TTC6: variants seen among roughly 807,000 people sequenced by gnomAD.
TTC6 encodes tetratricopeptide repeat domain 6.
A neutral mutation model predicts 210.4 loss-of-function variants in TTC6; 172 were observed. That is an observed-to-expected ratio of 0.82 (90% CI 0.72 to 0.93). The LOEUF is 0.93. TTC6 is among the 40% of genes least tolerant of loss of function. TTC6 has a pLI of 0.00. For synonymous variants in TTC6, 804 were observed against 819.6 expected, an observed-to-expected ratio of 0.98 and a Z score of 0.32; for missense variants, 2,414 against 2,318.1, an observed-to-expected ratio of 1.04 and a Z score of -0.85.
chr14:37,772,158 C>A (rs1012010189), intron 14 of TTC6, among the ~76,000 whole-genome samples: 2 of 152,196 alleles, frequency 1.3e-5, no homozygotes, highest in Admixed American at 1.3e-4. Flanking sequence ...GCAGTCTGCC[C>A]GTTCTCAGAT....
chr14:37,635,291 C>T (rs895427763), intron 1 of TTC6, among the ~76,000 whole-genome samples: 4 of 152,076 alleles, frequency 2.6e-5, no homozygotes, highest in Admixed American at 1.3e-4. Context: ...CATGTACTAT[C>T]TACAGAAATG....
intron 29 of TTC6, among the ~76,000 whole-genome samples, chr14:37,828,831 T>C (rs73260747): frequency 5.0e-4 from 76 of 152,032 alleles, no homozygotes; most frequent in African/African-American, 1.8e-3. Context: ...ACATTCATAC[T>C]TTTTTTTCAC....
chr14:37,798,551 T>C (rs1201664978), intron 20 of TTC6, among the ~76,000 whole-genome samples: 3 of 152,006 alleles, frequency 2.0e-5, no homozygotes, highest in African/African-American at 7.2e-5. Context: ...CATCTATAAA[T>C]AATAATAGTT....
At chr14:37,621,088 C>G (rs1225335766), upstream of TTC6, among the ~76,000 whole-genome samples, 1 of 152,170 alleles carries the variant, frequency 6.6e-6, no homozygotes, top group Non-Finnish European at 1.5e-5. Context: ...CATTCCCTTC[C>G]TACACACTGC....
intron 2 of TTC6, among the ~76,000 whole-genome samples, chr14:37,607,891 G>A (rs2095627994): frequency 6.6e-6 from 1 of 152,174 alleles, no homozygotes; most frequent in Non-Finnish European, 1.5e-5. Context: ...TATCTAGCAG[G>A]ATGCCCTCAG....
intron 1 of TTC6, among the ~76,000 whole-genome samples, chr14:37,631,387 A>G (rs1874476733): frequency 1.3e-5 from 2 of 152,118 alleles, no homozygotes. Flanking sequence ...GTTTGGCTGG[A>G]TATGAAATTC....
chr14:37,792,542 T>G, intron 17 of TTC6, 128 bp downstream of exon 19: 2 of 680,458 alleles, frequency 2.9e-6, no homozygotes, highest in Non-Finnish European at 4.3e-6. Context: ...ATAAACAATG[T>G]GTTAAGCTGG....
Position 37,782,622 on chromosome 14 carries a change from T to C in TTC6, c.3267-4846T>C, listed in dbSNP as rs531887606. Among the ~76,000 whole-genome samples the C allele has an allele frequency of 1.8e-4, 27 of 152,206 alleles. No individual in the cohort carries two copies. The East Asian group carries it at 4.4e-3, about 25-fold the overall frequency. ...TTCCTAATTGAATACCCTTTATTTC[T>C]TTCTCCTGCCTAATTGCCCTGGCCA... On this transcript the variant is annotated intron_variant, in intron 14 of 30. Transcript: ENST00000553443.
At chr14:37,824,073 T>A in intron 27 of TTC6, 116 bp downstream of exon 29, 1 of 998,798 alleles carries the variant, frequency 1.0e-6, no homozygotes, top group Non-Finnish European at 1.5e-6. Context: ...ATTTACCTTT[T>A]CTTTACTTTT....
intron 10 of TTC6, among the ~76,000 whole-genome samples, chr14:37,746,464 T>C (rs2095936318): frequency 6.6e-6 from 1 of 152,180 alleles, no homozygotes; most frequent in African/African-American, 2.4e-5. Flanking sequence ...GTTCTAGAAC[T>C]CCACCCTAGG....
chr14:37,798,677 C>T (rs1431376932), intron 20 of TTC6, among the ~76,000 whole-genome samples: 1 of 151,916 alleles, frequency 6.6e-6, no homozygotes, highest in Admixed American at 6.6e-5. Flanking sequence ...TTATTTTCTT[C>T]CAAATTTTAA....
At chr14:37,795,413 G>C in intron 18 of TTC6, 61 bp downstream of exon 20, 2 of 1,143,252 alleles carry the variant, frequency 1.7e-6, no homozygotes, top group African/African-American at 1.6e-5. Context: ...ATTGAATGGG[G>C]ATCTTCAGTT....
intron 3 of TTC6, among the ~76,000 whole-genome samples, chr14:37,695,001 G>A (rs755394281): frequency 3.6e-5 from 5 of 137,770 alleles, no homozygotes; most frequent in East Asian, 2.1e-4. Flanking sequence ...TGATCATTCC[G>A]CTGCACTCCA....
intron 14 of TTC6, among the ~76,000 whole-genome samples, chr14:37,764,087 C>A (rs1289664561): frequency 2.0e-5 from 3 of 151,960 alleles, no homozygotes; most frequent in African/African-American, 7.2e-5. Context: ...GTGAATTTCC[C>A]AAATTTTCTT....
intron 1 of TTC6, among the ~76,000 whole-genome samples, chr14:37,631,168 T>A (rs201692090): frequency 1.3e-5 from 2 of 151,676 alleles, no homozygotes; most frequent in Non-Finnish European, 2.9e-5. Flanking sequence ...GCTAGCTGGT[T>A]ATTTTGCCCA....
chr14:37,836,515 T>A (rs1473869943), intron 29 of TTC6, among the ~76,000 whole-genome samples: 1 of 152,222 alleles, frequency 6.6e-6, no homozygotes, highest in Non-Finnish European at 1.5e-5. Context: ...TTTGGTTAGA[T>A]CTAAAGTGTA....
chr14:37,781,880 G>C (rs573777809), intron 14 of TTC6, among the ~76,000 whole-genome samples: 1 of 152,144 alleles, frequency 6.6e-6, no homozygotes, highest in Non-Finnish European at 1.5e-5. Flanking sequence ...TTATTAAGTG[G>C]GGAATCCTTT....
intron 8 of TTC6, 116 bp from the exon 11 acceptor site, chr14:37,737,544 C>T: frequency 2.0e-6 from 1 of 492,010 alleles, no homozygotes; most frequent in South Asian, 4.8e-5. Flanking sequence ...GTATTTTAAT[C>T]AGTATTTCTG....
At chr14:37,821,073 T>C (rs1352284927) in intron 26 of TTC6, among the ~76,000 whole-genome samples, 1 of 150,356 alleles carries the variant, frequency 6.7e-6, no homozygotes, top group Non-Finnish European at 1.5e-5. Context: ...CTTTTTTCCT[T>C]TCTTTTTTTT....
Sources: gnomAD v4.1 joint callset for allele counts (sites outside exome capture counted in the v4.1 genomes callset) on GRCh38, gnomAD v4.1.1 for gene constraint, MANE v1.5 for transcripts, NCBI Gene and HGNC (gene_info 2026-07-23, HGNC 2026-07-21) for gene names.